The following FMN1 variants were observed in gnomAD, a reference collection of about 807,000 sequenced individuals.
FMN1 encodes the protein formin-1.
Under a neutral mutation model 132.4 loss-of-function variants are expected in FMN1, and 110 were observed. The observed-to-expected ratio is 0.83, with a 90% confidence interval of 0.71 to 0.97. FMN1 has a LOEUF of 0.97. Ranked by LOEUF, FMN1 falls within the 50% of genes least tolerant of loss-of-function variation. The pLI, the probability that FMN1 is intolerant of heterozygous loss-of-function variation, is 0.00. For synonymous variants in FMN1, 722 were observed against 651.7 expected, an observed-to-expected ratio of 1.11 and a Z score of -1.64; for missense variants, 1,792 against 1,705.3, an observed-to-expected ratio of 1.05 and a Z score of -0.90.
At chr15:32,842,553 A>G (rs1048642424) in intron 17 of FMN1, among the ~76,000 whole-genome samples, 9 of 152,244 alleles carry the variant, frequency 5.9e-5, no homozygotes, top group African/African-American at 2.2e-4. Context: ...TAAGTTCCAG[A>G]GGCAAAGACT....
chr15:32,942,832 T>TG lies in FMN1; in HGVS notation c.3139-16572dup, dbSNP rs753446859. 2.2e-4 allele frequency among the ~76,000 whole-genome samples: 34 copies of TG among 152,342 alleles called. 1 individual carries two copies. In the East Asian group the frequency reaches 3.5e-3, roughly 16 times the overall value. ...ACATGTGCTATCACCAATGAATAGC[T>TG]GCTGGCACTTCAGGGAACTAAGGGC... On this transcript the variant is annotated intron_variant, in intron 9 of 20. Transcript: ENST00000616417.
At chr15:33,043,040 TATG>T (rs1200084151) in intron 6 of FMN1, among the ~76,000 whole-genome samples, 14 of 152,204 alleles carry the variant, frequency 9.2e-5, no homozygotes, top group Admixed American at 7.2e-4. Context: ...TGGTTTGACT[TATG>T]ATGATTTTTC....
chr15:33,124,679 CCTTT>C (rs1204335197), intron 4 of FMN1, among the ~76,000 whole-genome samples: 1 of 151,422 alleles, frequency 6.6e-6, no homozygotes, highest in Non-Finnish European at 1.5e-5. Flanking sequence ...TGAGATTATT[CCTTT>C]CATTTTCAGA....
chr15:33,105,757 A>G (rs563900196), intron 4 of FMN1: 2 of 151,996 alleles, frequency 1.3e-5, no homozygotes, highest in South Asian at 2.1e-4. Context: ...TATATTATTT[A>G]CAATAAAAGT....
chr15:32,848,468 A>G (rs114291114), intron 17 of FMN1, among the ~76,000 whole-genome samples: 1,819 of 152,312 alleles, frequency 0.012, 32 homozygotes, highest in African/African-American at 0.041. Context: ...GATGTTGAAG[A>G]AGGCAGCCAT....
chr15:32,878,354 T>C (rs960976748), intron 16 of FMN1, among the ~76,000 whole-genome samples: 1 of 152,088 alleles, frequency 6.6e-6, no homozygotes, highest in African/African-American at 2.4e-5. Context: ...GGAATGAAGA[T>C]GAAATAACAG....
At chr15:32,867,641 T>G (rs1165341671) in intron 16 of FMN1, among the ~76,000 whole-genome samples, 3 of 151,830 alleles carry the variant, frequency 2.0e-5, no homozygotes, top group Non-Finnish European at 4.4e-5. Flanking sequence ...TGCCCCCCGC[T>G]CCCTGTGCAA....
intron 5 of FMN1, among the ~76,000 whole-genome samples, chr15:33,069,697 T>C (rs181266624): frequency 9.2e-5 from 14 of 152,334 alleles, no homozygotes; most frequent in Admixed American, 7.2e-4. Flanking sequence ...AACGCATCAT[T>C]GCATCCCATC....
At chr15:33,161,780 TGGTGGCG>T (rs1964902463) in intron 3 of FMN1, among the ~76,000 whole-genome samples, 1 of 151,934 alleles carries the variant, frequency 6.6e-6, no homozygotes, top group South Asian at 2.1e-4. Flanking sequence ...TAGCCAGGTG[TGGTGGCG>T]AGCACCTGTA....
intron 9 of FMN1, among the ~76,000 whole-genome samples, chr15:32,950,054 C>CATATATATATATATATATATAT (rs1226548479): frequency 2.0e-4 from 1 of 4,916 alleles, no homozygotes; most frequent in Non-Finnish European, 5.3e-4. Context: ...TATATATACA[C>CATATATATATATATATATATAT]ATATATATAT....
At chr15:32,887,185 G>A (rs1216322618) in intron 16 of FMN1, among the ~76,000 whole-genome samples, 2 of 151,976 alleles carry the variant, frequency 1.3e-5, no homozygotes, top group Non-Finnish European at 2.9e-5. Context: ...AGGTTTCTGA[G>A]TACTCTTTCA....
In FMN1 at chr15:32,888,197, C is replaced by G. The variant is rs1369943361; in HGVS notation, c.3810G>C (p.Leu1270Phe). 6.2e-7 allele frequency: 1 copy of G among 1,611,656 alleles called. No individual in the cohort carries two copies. Among genetic ancestry groups the G allele is most frequent in the Non-Finnish European group, 8.5e-7 (1 of 1,179,146 alleles). The change falls in exon 16 of 21, where the codon TTG (leucine) becomes TTC (phenylalanine). Residue 1270 changes from leucine to phenylalanine, a missense_variant. Coordinates refer to ENST00000616417, the MANE Select transcript of FMN1 (RefSeq NM_001277313.2). ...QVKFEDLIKD[L>F]RKLKRQLEAS... ...CTTCTAGTTGCCTCTTCAGTTTTCT[C>G]AAATCTTTTATGAGGTCTTCAAACT...
chr15:32,801,301 A>AG (rs960495812), intron 18 of FMN1, among the ~76,000 whole-genome samples: 2 of 151,034 alleles, frequency 1.3e-5, no homozygotes, highest in African/African-American at 4.8e-5. Flanking sequence ...TCTCCCTGAA[A>AG]GGGGGAGAAA....
Position 32,914,561 on chromosome 15 carries a change from T to C in FMN1, c.3227-4026A>G, listed in dbSNP as rs143783170. 1.1e-3 allele frequency among the ~76,000 whole-genome samples: 171 copies of C among 152,322 alleles called. 1 individual carries two copies. The highest frequency in any genetic ancestry group is 4.0e-3 in the African/African-American group (165 of 41,576). ...ATACACTTGTTATACAGGAGAGAGC[T>C]GTTGAGCAGTTATGAATGGAGGAGT... On this transcript the variant is annotated intron_variant, in intron 10 of 20. Coordinates refer to ENST00000616417, the MANE Select transcript of FMN1 (RefSeq NM_001277313.2).
At chr15:32,807,091 T>C (rs912942464) in intron 17 of FMN1, among the ~76,000 whole-genome samples, 3 of 152,216 alleles carry the variant, frequency 2.0e-5, no homozygotes, top group African/African-American at 7.2e-5. Context: ...TAAAAATGCA[T>C]ATATTGGATA....
chr15:32,858,811 C>T (rs946451579), intron 16 of FMN1, among the ~76,000 whole-genome samples: 2 of 151,966 alleles, frequency 1.3e-5, no homozygotes, highest in African/African-American at 4.8e-5. Context: ...CCTTTTTGTC[C>T]TCTCTACAAT....
At chr15:32,894,740 T>C (rs1300789328) in intron 15 of FMN1, among the ~76,000 whole-genome samples, 1 of 151,296 alleles carries the variant, frequency 6.6e-6, no homozygotes, top group Non-Finnish European at 1.5e-5. Context: ...ACAAAAGTGA[T>C]ACATGTTCAT....
At chr15:32,911,749 AGAG>A (rs1409208441) in intron 10 of FMN1, among the ~76,000 whole-genome samples, 6 of 152,190 alleles carry the variant, frequency 3.9e-5, no homozygotes, top group African/African-American at 7.2e-5. Context: ...CAGAGAGAAA[AGAG>A]GAGGTTAATA....
chr15:32,884,229 C>A (rs1289428563), intron 16 of FMN1, among the ~76,000 whole-genome samples: 1 of 152,180 alleles, frequency 6.6e-6, no homozygotes, highest in African/African-American at 2.4e-5. Context: ...ATGGGACTCA[C>A]AGGCTAAACT....
Sources: gnomAD v4.1 joint callset for allele counts (sites outside exome capture counted in the v4.1 genomes callset) on GRCh38, gnomAD v4.1.1 for gene constraint, MANE v1.5 for transcripts, NCBI Gene and HGNC (gene_info 2026-07-23, HGNC 2026-07-21) for gene names.